NHS: variants seen among roughly 807,000 people sequenced by gnomAD.
The protein encoded by NHS is NHS actin remodeling regulator.
In NHS, 5 loss-of-function variants were observed where a neutral mutation model predicts 72.5. That is an observed-to-expected ratio of 0.07 (90% confidence interval 0.04 to 0.14). The LOEUF (loss-of-function observed/expected upper bound fraction) is 0.14. Ranked by LOEUF, NHS falls within the 10% of genes least tolerant of loss-of-function variation. The probability of loss-of-function intolerance (pLI) is 1.00; values close to 1 mark genes in which losing one functional copy is unlikely to be tolerated. For synonymous variants in NHS, 464 were observed against 547.7 expected, an observed-to-expected ratio of 0.85 and a Z score of 2.13; for missense variants, 1,072 against 1,355.7, an observed-to-expected ratio of 0.79 and a Z score of 3.29.
intron 2 of NHS, among the ~76,000 whole-genome samples, chrX:17,691,872 G>T (rs1390063952): frequency 8.9e-6 from 1 of 112,091 alleles, no homozygotes; most frequent in Non-Finnish European, 1.9e-5. Flanking sequence ...GTTGAAAAAT[G>T]GACTCACACA....
intron 1 of NHS, among the ~76,000 whole-genome samples, chrX:17,446,998 T>G (rs2064784136): frequency 8.9e-6 from 1 of 112,293 alleles, no homozygotes; most frequent in African/African-American, 3.2e-5. Context: ...GTCATAAAAA[T>G]GCAATCAGTA....
At chrX:17,654,372 G>C (rs974841071) in intron 1 of NHS, among the ~76,000 whole-genome samples, 2 of 112,084 alleles carry the variant, frequency 1.8e-5, no homozygotes, top group African/African-American at 6.5e-5. Context: ...TCTTCCGGGG[G>C]ACTTCCACCA....
rs763911603 is a variant in NHS, at chrX:17,692,472, A to G, written c.852+4A>G. On this transcript the variant is annotated splice_donor_region_variant and intron_variant, in intron 3 of 8. Coordinates refer to ENST00000676302, the MANE Select transcript of NHS (RefSeq NM_001291867.2). ...TAAGGACCGTCACTTTTTAACGGTA[A>G]GTTTGGTGGCCACCTGCAGCCCTAT... is the stretch of plus-strand genomic sequence containing the variant. 3 of 1,210,351 alleles carry G rather than the reference A, an allele frequency of 2.5e-6. No homozygotes were observed. Among genetic ancestry groups the G allele is most frequent in the Non-Finnish European group, 3.4e-6 (3 of 894,985 alleles).
chrX:17,700,460 GA>G (rs770634434), intron 3 of NHS, among the ~76,000 whole-genome samples: 1 of 106,677 alleles, frequency 9.4e-6, no homozygotes, highest in African/African-American at 3.4e-5. Context: ...AAAAAGAAAA[GA>G]AAAAAAAGAA....
chrX:17,690,695 G>C (rs189909853), intron 2 of NHS, among the ~76,000 whole-genome samples: 1 of 112,044 alleles, frequency 8.9e-6, no homozygotes, highest in East Asian at 2.8e-4. Flanking sequence ...TCAATACAGT[G>C]ATAGGGAGGC....
At chrX:17,401,725 C>T (rs1011711429) in intron 1 of NHS, among the ~76,000 whole-genome samples, 4 of 111,884 alleles carry the variant, frequency 3.6e-5, no homozygotes, top group Non-Finnish European at 7.5e-5. Flanking sequence ...TGATTACATT[C>T]TGTCTCCATC....
At chrX:17,646,371 A>T (rs145586293) in intron 1 of NHS, among the ~76,000 whole-genome samples, 219 of 112,107 alleles carry the variant, frequency 2.0e-3, no homozygotes, top group African/African-American at 6.8e-3. Flanking sequence ...TGACAAGAAC[A>T]GGAGACTTCT....
intron 1 of NHS, among the ~76,000 whole-genome samples, chrX:17,509,381 G>A (rs976859724): frequency 2.7e-5 from 3 of 110,157 alleles, no homozygotes; most frequent in Non-Finnish European, 5.7e-5. Flanking sequence ...CACCCGCCAT[G>A]ATGCCCAGCT....
chrX:17,620,863 T>C (rs2065770050), intron 1 of NHS, among the ~76,000 whole-genome samples: 1 of 110,690 alleles, frequency 9.0e-6, no homozygotes, highest in Non-Finnish European at 1.9e-5. Flanking sequence ...GAGAGTATAT[T>C]GGGTGGGGAG....
At chrX:17,656,318 C>T (rs1232529943) in intron 1 of NHS, among the ~76,000 whole-genome samples, 5 of 113,589 alleles carry the variant, frequency 4.4e-5, no homozygotes, top group Non-Finnish European at 1.9e-5. Context: ...TGGCGCCCCA[C>T]CGCAACCCTC....
chrX:17,529,505 C>T (rs2065188607), intron 1 of NHS, among the ~76,000 whole-genome samples: 1 of 111,605 alleles, frequency 9.0e-6, no homozygotes, highest in Non-Finnish European at 1.9e-5. Context: ...TCCAGTTTGG[C>T]TAACACTGCA....
At chrX:17,572,377 T>G (rs887359515) in intron 1 of NHS, among the ~76,000 whole-genome samples, 2 of 110,772 alleles carry the variant, frequency 1.8e-5, no homozygotes, top group Non-Finnish European at 3.8e-5. Flanking sequence ...ATATTTAGGA[T>G]AGTTAGCTCT....
chrX:17,622,927 TA>T (rs1009316459), intron 1 of NHS, among the ~76,000 whole-genome samples: 11 of 109,892 alleles, frequency 1.0e-4, no homozygotes, highest in East Asian at 2.9e-4. Context: ...ATTTTATTAT[TA>T]AAAAAAAATT....
At chrX:17,465,355 G>A (rs2064866559) in intron 1 of NHS, among the ~76,000 whole-genome samples, 1 of 111,611 alleles carries the variant, frequency 9.0e-6, no homozygotes, top group African/African-American at 3.3e-5. Context: ...CACTTTGGAG[G>A]CCTCGATTTA....
At chrX:17,655,466 G>C (rs1473554783) in intron 1 of NHS, among the ~76,000 whole-genome samples, 1 of 112,441 alleles carries the variant, frequency 8.9e-6, no homozygotes, top group African/African-American at 3.2e-5. Context: ...TTTGTGGCTG[G>C]CTCCCGCGCG....
At chrX:17,530,228 T>C (rs1031151631) in intron 1 of NHS, among the ~76,000 whole-genome samples, 6 of 111,293 alleles carry the variant, frequency 5.4e-5, no homozygotes, top group African/African-American at 2.0e-4. Context: ...CCTCTCCCTC[T>C]CCAGCCAGGT....
chrX:17,503,935 C>T (rs1875446247), intron 1 of NHS, among the ~76,000 whole-genome samples: 1 of 111,363 alleles, frequency 9.0e-6, no homozygotes, highest in Admixed American at 9.5e-5. Context: ...TTCCAAGACC[C>T]ACCAATGCAG....
At position 17,727,810 on chromosome X, in the gene NHS, C is replaced by T; in HGVS notation, c.3704C>T (p.Thr1235Ile). Residue 1235 changes from threonine to isoleucine, a missense_variant, in exon 7 of 9, where the codon ACA becomes ATA. By Grantham distance (89) the Thr-to-Ile change is moderately conservative. Coordinates refer to ENST00000676302, the MANE Select transcript of NHS (RefSeq NM_001291867.2). ...AATCGCTGCGATCCAGAAACCATAA[C>T]ATCAGCTGGTAGCAGTCTTCTAGAT... is the stretch of plus-strand genomic sequence containing the variant. ...VKNRCDPETI[T>I]SAGSSLLDSN... 2 of 1,211,802 alleles carry T rather than the reference C, an allele frequency of 1.7e-6. No individual in the cohort carries two copies. Among genetic ancestry groups the T allele is most frequent in the Non-Finnish European group, 2.2e-6 (2 of 895,479 alleles).
chrX:17,704,540 C>T (rs183019648), intron 3 of NHS, among the ~76,000 whole-genome samples: 9,459 of 110,503 alleles, frequency 0.086, 742 homozygotes, highest in East Asian at 0.34. Flanking sequence ...CCTCGTGATC[C>T]ACCCGCCTCA....
Sources: gnomAD v4.1 joint callset for allele counts (sites outside exome capture counted in the v4.1 genomes callset) on GRCh38, gnomAD v4.1.1 for gene constraint, MANE v1.5 for transcripts, NCBI Gene and HGNC (gene_info 2026-07-23, HGNC 2026-07-21) for gene names.